RIMS2: variants seen among roughly 807,000 people sequenced by gnomAD.
RIMS2 encodes regulating synaptic membrane exocytosis protein 2.
A neutral mutation model predicts 174.4 loss-of-function variants in RIMS2; 59 were observed. The ratio of observed to expected loss-of-function variants is 0.34; its 90% CI spans 0.27 to 0.42. The LOEUF (loss-of-function observed/expected upper bound fraction) is 0.42, where lower values mean the gene tolerates loss of function less well. RIMS2 is among the 10% of genes least tolerant of loss of function. RIMS2 has a pLI of 1.00. For synonymous variants in RIMS2, 606 were observed against 572.5 expected (o/e 1.06, Z -0.84); for missense variants, 1,620 against 1,666.3 (o/e 0.97, Z 0.48).
intron 19 of RIMS2, among the ~76,000 whole-genome samples, chr8:104,197,295 C>T (rs1292336759): frequency 6.6e-6 from 1 of 151,870 alleles, no homozygotes; most frequent in African/African-American, 2.4e-5. Context: ...TGTGCCTCAG[C>T]CTCCCAAGTA....
chr8:103,915,642 T>C, intron 7 of RIMS2, 48 bp downstream of exon 10: 1 of 871,178 alleles, frequency 1.1e-6, no homozygotes, highest in Admixed American at 2.2e-5. Flanking sequence ...TCAACTTTAG[T>C]AGTTATGAGT....
intron 1 of RIMS2, among the ~76,000 whole-genome samples, chr8:103,570,259 A>C (rs1417216864): frequency 1.3e-5 from 2 of 152,160 alleles, no homozygotes; most frequent in Non-Finnish European, 2.9e-5. Context: ...TTCAGTACTG[A>C]TGTTGCCAGC....
At chr8:103,953,264 C>T (rs1020130964) in intron 14 of RIMS2, among the ~76,000 whole-genome samples, 3 of 152,166 alleles carry the variant, frequency 2.0e-5, no homozygotes, top group African/African-American at 7.2e-5. Flanking sequence ...CACAAAGATA[C>T]TCCTTGAGAA....
chr8:103,781,544 A>C lies in RIMS2; in HGVS notation c.698+15007A>C, dbSNP rs148922737. On this transcript the variant is annotated intron_variant, in intron 3 of 23. Coordinates refer to ENST00000504942, the Ensembl canonical transcript of RIMS2. ...TATTGTTGCTATAGAGATGGCTTTG[A>C]TAGGTACTTGAAAAAGTTACTACGC... Among the ~76,000 whole-genome samples the C allele has an allele frequency of 1.7e-4, 26 of 152,244 alleles. 1 individual carries two copies. In the East Asian group the frequency reaches 4.4e-3, roughly 26 times the overall value.
At chr8:103,551,612 G>T (rs1039980302) in intron 1 of RIMS2, among the ~76,000 whole-genome samples, 3 of 152,068 alleles carry the variant, frequency 2.0e-5, no homozygotes, top group Non-Finnish European at 4.4e-5. Flanking sequence ...CAATCAGACA[G>T]GAGAAAGAAA....
At chr8:103,775,291 T>C (rs2098300640) in intron 3 of RIMS2, among the ~76,000 whole-genome samples, 1 of 152,022 alleles carries the variant, frequency 6.6e-6, no homozygotes, top group African/African-American at 2.4e-5. Flanking sequence ...GATAAAATGA[T>C]GTAAAGGGAA....
intron 4 of RIMS2, among the ~76,000 whole-genome samples, chr8:103,896,457 T>C (rs2099278327): frequency 6.6e-6 from 1 of 151,758 alleles, no homozygotes; most frequent in South Asian, 2.1e-4. Flanking sequence ...TAGAAGTTTT[T>C]CTCAATTTGA....
Position 103,752,054 on chromosome 8 carries a change from G to C in RIMS2, c.388-14173G>C, listed in dbSNP as rs2097900348. Among the ~76,000 whole-genome samples the C allele has an allele frequency of 2.6e-5, 4 of 152,280 alleles. 1 individual carries two copies. Among genetic ancestry groups the C allele is most frequent in the Admixed American group, 2.6e-4 (4 of 15,296 alleles). ...CCTGTGTCCTGAATGGTAATGCCTAGGTTTTCTTCTACGGTTTTTCTGGTT... is the reference window on the plus strand; with the variant it reads ...CCTGTGTCCTGAATGGTAATGCCTACGTTTTCTTCTACGGTTTTTCTGGTT... On this transcript the variant is annotated intron_variant, in intron 2 of 23. Transcript: ENST00000504942.
intron 1 of RIMS2, among the ~76,000 whole-genome samples, chr8:103,600,593 C>T (rs2094689509): frequency 6.6e-6 from 1 of 152,186 alleles, no homozygotes; most frequent in African/African-American, 2.4e-5. Flanking sequence ...ATCCATTCAT[C>T]TGTTGATGGA....
At chr8:104,085,217 C>T (rs1022516071) in intron 19 of RIMS2, among the ~76,000 whole-genome samples, 4 of 152,182 alleles carry the variant, frequency 2.6e-5, no homozygotes, top group African/African-American at 9.7e-5. Context: ...TTATGTAAGA[C>T]CCAAGCACTC....
At chr8:104,023,278 C>G (rs1030484880) in intron 19 of RIMS2, among the ~76,000 whole-genome samples, 1 of 147,740 alleles carries the variant, frequency 6.8e-6, no homozygotes, top group Non-Finnish European at 1.5e-5. Context: ...ATTAAAGTGA[C>G]ACAATACCAC....
At chr8:104,120,933 G>A (rs1456398280) in intron 19 of RIMS2, among the ~76,000 whole-genome samples, 4 of 152,054 alleles carry the variant, frequency 2.6e-5, no homozygotes. Flanking sequence ...CTCTCACCTT[G>A]GCAGTATTTT....
intron 1 of RIMS2, among the ~76,000 whole-genome samples, chr8:103,664,848 T>A (rs2096648807): frequency 1.3e-5 from 2 of 152,198 alleles, no homozygotes; most frequent in African/African-American, 4.8e-5. Flanking sequence ...GTGGCACTAT[T>A]CACAATAGCA....
At chr8:103,995,968 C>G (rs1014084443) in intron 17 of RIMS2, among the ~76,000 whole-genome samples, 1 of 151,804 alleles carries the variant, frequency 6.6e-6, no homozygotes, top group East Asian at 1.9e-4. Context: ...AATTTTGAGA[C>G]TGTAAAACTT....
At chr8:103,621,919 A>G (rs1256287737) in intron 1 of RIMS2, among the ~76,000 whole-genome samples, 1 of 152,206 alleles carries the variant, frequency 6.6e-6, no homozygotes, top group African/African-American at 2.4e-5. Context: ...GAGTACAGCA[A>G]CTTAATTTAC....
chr8:103,915,035 A>G (rs1443915479), intron 6 of RIMS2, among the ~76,000 whole-genome samples: 2 of 152,104 alleles, frequency 1.3e-5, no homozygotes, highest in Non-Finnish European at 2.9e-5. Flanking sequence ...ATCCATCATC[A>G]TTAAGCACAT....
intron 3 of RIMS2, among the ~76,000 whole-genome samples, chr8:103,827,702 G>A (rs568476892): frequency 3.9e-5 from 6 of 152,210 alleles, no homozygotes; most frequent in Admixed American, 2.0e-4. Context: ...GGGCGTGGCC[G>A]TGTGTGTCTG....
At chr8:104,090,981 T>C (rs1178935642) in intron 19 of RIMS2, among the ~76,000 whole-genome samples, 1 of 151,818 alleles carries the variant, frequency 6.6e-6, no homozygotes, top group Non-Finnish European at 1.5e-5. Flanking sequence ...TCATTATCTT[T>C]GTCATCATTT....
At chr8:104,089,261 A>G (rs1412023768) in intron 19 of RIMS2, among the ~76,000 whole-genome samples, 1 of 151,862 alleles carries the variant, frequency 6.6e-6, no homozygotes, top group African/African-American at 2.4e-5. Flanking sequence ...AACACCAACC[A>G]TTTCCTAAAT....
Sources: allele counts gnomAD v4.1 joint callset (sites outside exome capture counted in the v4.1 genomes callset), GRCh38; gene constraint gnomAD v4.1.1; transcripts MANE v1.5; gene names NCBI Gene and HGNC (gene_info 2026-07-23, HGNC 2026-07-21).